Variants in SLC2A9 observed in about 807,000 individuals in gnomAD.
SLC2A9 encodes the protein solute carrier family 2 member 9.
In SLC2A9, 39 loss-of-function variants were observed where a neutral mutation model predicts 50.6. The observed-to-expected ratio is 0.77, with a 90% CI of 0.60 to 1.01. The LOEUF is 1.01. SLC2A9 is among the 50% of genes least tolerant of loss of function. The pLI is 0.00. For synonymous variants in SLC2A9, 324 were observed against 276.9 expected (o/e 1.17, Z -1.69); for missense variants, 686 against 677.6 (o/e 1.01, Z -0.14).
In SLC2A9 at chr4:9,967,032, C is replaced by T. The variant is rs987043079; in HGVS notation, c.681+13560G>A. On this transcript the variant is annotated intron_variant, in intron 5 of 11. Coordinates refer to ENST00000264784, the MANE Select transcript of SLC2A9 (RefSeq NM_020041.3). ...TCCATTTTCAAAACTATGTCAGAAA[C>T]ATACACTTGCTTATTCTCTTGTGGG... Among the ~76,000 whole-genome samples, 16 of 152,342 alleles carry T rather than the reference C, an allele frequency of 1.1e-4. No homozygotes were observed. In the East Asian group the frequency reaches 3.1e-3, roughly 29 times the overall value.
downstream of SLC2A9, among the ~76,000 whole-genome samples, chr4:9,824,791 C>T (rs1178504208): frequency 6.6e-6 from 1 of 152,134 alleles, no homozygotes; most frequent in Non-Finnish European, 1.5e-5. Flanking sequence ...CACCAAAAAG[C>T]TAAGACTTTT....
intron 2 of SLC2A9, among the ~76,000 whole-genome samples, chr4:10,011,306 C>T (rs1761726578): frequency 6.6e-6 from 1 of 152,140 alleles, no homozygotes; most frequent in Non-Finnish European, 1.5e-5. Flanking sequence ...TTTCAGTCCC[C>T]AGAGAATGTC....
chr4:9,782,301 C>A (rs746619432), intron 3 of SLC2A9: 2 of 1,614,006 alleles, frequency 1.2e-6, no homozygotes, highest in Non-Finnish European at 1.7e-6. Context: ...CTTTTCGTGG[C>A]GCTGCTGGTC....
chr4:9,834,830 C>T (rs942996708), intron 11 of SLC2A9, 51 bp downstream of exon 11: 1 of 1,613,292 alleles, frequency 6.2e-7, no homozygotes, highest in Non-Finnish European at 8.5e-7. Flanking sequence ...CCCTCAAGTG[C>T]TGCAGAATCA....
chr4:9,944,121 C>T (rs1473463769), intron 5 of SLC2A9, among the ~76,000 whole-genome samples: 1 of 152,202 alleles, frequency 6.6e-6, no homozygotes, highest in Non-Finnish European at 1.5e-5. Context: ...TATAACCACA[C>T]AGAGGCATGA....
intron 3 of SLC2A9, chr4:9,783,569 G>T: frequency 1.8e-6 from 2 of 1,084,160 alleles, no homozygotes; most frequent in Non-Finnish European, 2.6e-6. Context: ...CCTTTATCAT[G>T]TGTTTCTGTG....
chr4:10,019,361 GC>G, intron 1 of SLC2A9: 1 of 517,732 alleles, frequency 1.9e-6, no homozygotes, highest in Non-Finnish European at 3.5e-6. Context: ...GCTGCTCTGG[GC>G]AGCTCCACAC....
Position 9,883,794 on chromosome 4 carries a change from C to T in SLC2A9, c.1291+3773G>A, listed in dbSNP as rs181695917. ...CTGAGTTCCCTGGTCATGATTAAAC[C>T]ACCTGCAAATACGTCCTGACAACCT... On this transcript the variant is annotated intron_variant, in intron 10 of 11. Coordinates refer to ENST00000264784, the MANE Select transcript of SLC2A9 (RefSeq NM_020041.3). Among the ~76,000 whole-genome samples, 400 of 152,270 alleles carry T rather than the reference C, an allele frequency of 2.6e-3. 1 individual carries two copies. Among genetic ancestry groups the T allele is most frequent in the African/African-American group, 9.1e-3 (378 of 41,554 alleles).
chr4:10,001,668 G>C (rs1413000265), intron 2 of SLC2A9, among the ~76,000 whole-genome samples: 1 of 152,154 alleles, frequency 6.6e-6, no homozygotes, highest in African/African-American at 2.4e-5. Context: ...ACTGATTCCT[G>C]AGCCTTCATC....
chr4:9,795,124 G>A (rs1720442076), downstream of SLC2A9, among the ~76,000 whole-genome samples: 1 of 146,780 alleles, frequency 6.8e-6, no homozygotes, highest in African/African-American at 2.5e-5. Context: ...CAATTCTCCT[G>A]CCTCAGCCTC....
chr4:9,859,892 T>C lies in SLC2A9; in HGVS notation c.1292-24884A>G, dbSNP rs535141575. Among the ~76,000 whole-genome samples the C allele has an allele frequency of 4.6e-5, 7 of 152,276 alleles. No individual in the cohort carries two copies. The East Asian group carries it at 1.4e-3, about 29-fold the overall frequency. The stretch of plus-strand genomic sequence containing the variant: ...CCCCAGTTGGCTGTGACAAGCGGCC[T>C]CTGCAAGGCCGAACCATTTCCAGAT... On this transcript the variant is annotated intron_variant, in intron 10 of 11. Transcript: ENST00000264784.
chr4:10,039,704 C>T (rs2109602427), intron 1 of SLC2A9, among the ~76,000 whole-genome samples: 1 of 152,308 alleles, frequency 6.6e-6, no homozygotes, highest in Non-Finnish European at 1.5e-5. Flanking sequence ...GGACATCAGC[C>T]TGCTGACTGG....
At chr4:9,916,905 T>G (rs1211238545) in intron 7 of SLC2A9, among the ~76,000 whole-genome samples, 2 of 152,244 alleles carry the variant, frequency 1.3e-5, no homozygotes, top group Non-Finnish European at 2.9e-5. Context: ...GTGCCCACCA[T>G]GTGGCATGGG....
At chr4:9,925,462 T>C (rs1744727559) in intron 6 of SLC2A9, among the ~76,000 whole-genome samples, 1 of 152,172 alleles carries the variant, frequency 6.6e-6, no homozygotes, top group Admixed American at 6.5e-5. Context: ...GGGGTGGGCC[T>C]TGGAGTCGGA....
chr4:9,793,508 C>A (rs1720223216), intron 3 of SLC2A9, among the ~76,000 whole-genome samples: 1 of 152,168 alleles, frequency 6.6e-6, no homozygotes, highest in Admixed American at 6.5e-5. Flanking sequence ...TATGCTTTCA[C>A]AATATCCCAT....
chr4:9,855,809 C>G (rs1730635434), intron 10 of SLC2A9, among the ~76,000 whole-genome samples: 1 of 152,072 alleles, frequency 6.6e-6, no homozygotes, highest in South Asian at 2.1e-4. Context: ...AAAAAGGCCA[C>G]CTACCTACAA....
intron 10 of SLC2A9, among the ~76,000 whole-genome samples, chr4:9,842,399 C>A (rs930843129): frequency 2.0e-5 from 3 of 152,158 alleles, no homozygotes; most frequent in East Asian, 3.8e-4. Context: ...TGGTTTGCGA[C>A]CTTTACTTTT....
chr4:9,961,531 T>C (rs1418959149), intron 5 of SLC2A9, among the ~76,000 whole-genome samples: 3 of 152,158 alleles, frequency 2.0e-5, no homozygotes, highest in African/African-American at 7.2e-5. Flanking sequence ...ACCCCTTCCT[T>C]ACACCTTATA....
intron 8 of SLC2A9, among the ~76,000 whole-genome samples, chr4:9,897,593 A>C (rs889515012): frequency 6.6e-6 from 1 of 152,164 alleles, no homozygotes; most frequent in Non-Finnish European, 1.5e-5. Context: ...GGAAAAGGGA[A>C]AGTGTGGACA....
Sources: allele counts gnomAD v4.1 joint callset (sites outside exome capture counted in the v4.1 genomes callset), GRCh38; gene constraint gnomAD v4.1.1; transcripts MANE v1.5; gene names NCBI Gene and HGNC (gene_info 2026-07-23, HGNC 2026-07-21).